The following RTN4IP1 variants were observed in gnomAD, a reference collection of about 807,000 sequenced individuals.
The protein encoded by RTN4IP1 is NAD(P)H oxidoreductase RTN4IP1, mitochondrial.
RTN4IP1 carries 32 observed loss-of-function variants against 46.6 expected under a neutral mutation model. The ratio of observed to expected loss-of-function variants is 0.69; its 90% CI spans 0.52 to 0.92. RTN4IP1 has a LOEUF of 0.92. Ranked by LOEUF, RTN4IP1 falls within the 40% of genes least tolerant of loss-of-function variation. RTN4IP1 has a pLI of 0.00. For missense variants in RTN4IP1, 424 were observed against 485.8 expected (o/e 0.87, Z 1.20); for synonymous variants, 167 against 161.8 (o/e 1.03, Z -0.24).
At chr6:106,577,024 C>T (rs1775245739) in intron 8 of RTN4IP1, among the ~76,000 whole-genome samples, 1 of 152,224 alleles carries the variant, frequency 6.6e-6, no homozygotes, top group Non-Finnish European at 1.5e-5. Flanking sequence ...TATCACTGTT[C>T]AACCAAGATG....
chr6:106,621,811 G>A (rs1776493064), intron 2 of RTN4IP1, among the ~76,000 whole-genome samples: 1 of 152,134 alleles, frequency 6.6e-6, no homozygotes, highest in African/African-American at 2.4e-5. Context: ...CCTCTTTATA[G>A]CTTGGCTTCC....
chr6:106,581,072 T>G (rs1392967776), intron 8 of RTN4IP1, among the ~76,000 whole-genome samples: 2 of 152,088 alleles, frequency 1.3e-5, no homozygotes, highest in Non-Finnish European at 2.9e-5. Context: ...TTATTTTTCC[T>G]GTTTTGATAG....
chr6:106,616,060 A>G (rs1055769672), intron 4 of RTN4IP1, among the ~76,000 whole-genome samples: 28 of 152,126 alleles, frequency 1.8e-4, no homozygotes, highest in African/African-American at 6.0e-4. Context: ...CTTGAACTAC[A>G]TGTGTGTGCC....
At chr6:106,595,201 C>A (rs944886826) in intron 5 of RTN4IP1, among the ~76,000 whole-genome samples, 2 of 152,160 alleles carry the variant, frequency 1.3e-5, no homozygotes, top group Admixed American at 6.5e-5. Flanking sequence ...GAGTTTCCCA[C>A]AGTCTGGAAT....
chr6:106,628,866 C>T lies in RTN4IP1; in HGVS notation c.156G>A (p.Gly52=). ...VMPAWVIDKY[G]KNEVLRFTQN... is the part of the protein sequence containing the mutation. ...GAGTGAATCGAAGCACTTCATTCTT[C>T]CCATATTTATCTATCACCCAAGCAG... Residue 52 remains glycine, a synonymous_variant, in exon 1 of 9, where the codon GGG becomes GGA. Coordinates refer to ENST00000369063, the MANE Select transcript of RTN4IP1 (RefSeq NM_032730.5). 6.2e-7 allele frequency: 1 copy of T among 1,614,086 alleles called. No homozygotes were observed. Among genetic ancestry groups the T allele is most frequent in the African/African-American group, 1.3e-5 (1 of 75,028 alleles).
chr6:106,577,272 A>G (rs896582434), intron 8 of RTN4IP1, among the ~76,000 whole-genome samples: 5 of 151,746 alleles, frequency 3.3e-5, no homozygotes, highest in African/African-American at 1.2e-4. Flanking sequence ...TTGTCTCTAC[A>G]AAAAATACAA....
At chr6:106,593,039 A>C (rs576642811) in intron 5 of RTN4IP1, among the ~76,000 whole-genome samples, 2 of 152,356 alleles carry the variant, frequency 1.3e-5, no homozygotes, top group East Asian at 3.9e-4. Context: ...CAGAACATTA[A>C]AATGCCACAT....
intron 8 of RTN4IP1, among the ~76,000 whole-genome samples, chr6:106,574,626 G>C (rs907606568): frequency 2.0e-5 from 3 of 152,122 alleles, no homozygotes; most frequent in African/African-American, 7.2e-5. Flanking sequence ...GAACCTGTAG[G>C]GGGTGGGGCA....
chr6:106,620,969 C>G (rs1776471139), intron 3 of RTN4IP1, among the ~76,000 whole-genome samples: 2 of 152,164 alleles, frequency 1.3e-5, no homozygotes, highest in Non-Finnish European at 2.9e-5. Flanking sequence ...TTTCCCCCTT[C>G]CTGCCCTCCC....
At chr6:106,605,323 G>A (rs899523035) in intron 4 of RTN4IP1, among the ~76,000 whole-genome samples, 1 of 151,760 alleles carries the variant, frequency 6.6e-6, no homozygotes, top group Non-Finnish European at 1.5e-5. Context: ...AGTCCCAGGA[G>A]GCTGAGGCAT....
intron 5 of RTN4IP1, among the ~76,000 whole-genome samples, chr6:106,598,165 T>A (rs1775849346): frequency 1.3e-5 from 2 of 152,150 alleles, no homozygotes; most frequent in South Asian, 4.1e-4. Flanking sequence ...TACGTGTGCA[T>A]GTGTCTTTAT....
chr6:106,572,712 A>G (rs1287871142), intron 8 of RTN4IP1, among the ~76,000 whole-genome samples: 5 of 152,136 alleles, frequency 3.3e-5, no homozygotes, highest in Non-Finnish European at 7.4e-5. Context: ...CAAAGAGAAC[A>G]TCCCAAGGTC....
intron 8 of RTN4IP1, among the ~76,000 whole-genome samples, chr6:106,579,700 T>C (rs1160413601): frequency 6.6e-6 from 1 of 151,988 alleles, no homozygotes; most frequent in Non-Finnish European, 1.5e-5. Context: ...ATTAACTCGG[T>C]GGCTTCTCCA....
chr6:106,623,050 C>T (rs910181578), intron 1 of RTN4IP1, 81 bp from the exon 2 acceptor site: 7 of 1,347,374 alleles, frequency 5.2e-6, no homozygotes, highest in Admixed American at 2.0e-5. Context: ...TAGTCCAGTA[C>T]AATTTTAGGT....
intron 5 of RTN4IP1, among the ~76,000 whole-genome samples, chr6:106,597,837 CCTCCCCG>C (rs1775837193): frequency 6.6e-6 from 1 of 151,932 alleles, no homozygotes; most frequent in East Asian, 1.9e-4. Flanking sequence ...CAACGCTATC[CCTCCCCG>C]CTCCCCGCAC....
chr6:106,604,675 G>T (rs1776018058), intron 4 of RTN4IP1, among the ~76,000 whole-genome samples: 1 of 152,092 alleles, frequency 6.6e-6, no homozygotes, highest in African/African-American at 2.4e-5. Flanking sequence ...ACACAGCCCA[G>T]ATGAATTTTG....
At chr6:106,599,064 T>C (rs1187681758) in intron 5 of RTN4IP1, among the ~76,000 whole-genome samples, 1 of 152,002 alleles carries the variant, frequency 6.6e-6, no homozygotes, top group Non-Finnish European at 1.5e-5. Context: ...ATTATATTTT[T>C]AATGTCTTTT....
intron 5 of RTN4IP1, among the ~76,000 whole-genome samples, chr6:106,596,893 C>G (rs1486497861): frequency 6.6e-6 from 1 of 152,172 alleles, no homozygotes; most frequent in Non-Finnish European, 1.5e-5. Flanking sequence ...CCTTGAGTAT[C>G]TTAAATATGT....
At chr6:106,624,942 AAAAAAAAAAGAAAAAG>A (rs1562157536) in intron 1 of RTN4IP1, among the ~76,000 whole-genome samples, 1 of 148,670 alleles carries the variant, frequency 6.7e-6, no homozygotes, top group Non-Finnish European at 1.5e-5. Flanking sequence ...TCTCAAAAAA[AAAAAAAAAAGAAAAAG>A]AAAAAGAAAA....
Sources: allele counts gnomAD v4.1 joint callset (sites outside exome capture counted in the v4.1 genomes callset), GRCh38; gene constraint gnomAD v4.1.1; transcripts MANE v1.5; gene names NCBI Gene and HGNC (gene_info 2026-07-23, HGNC 2026-07-21).